Variants in ZC4H2 observed in about 807,000 individuals in gnomAD.
ZC4H2 encodes zinc finger C4H2-type containing.
For missense variants in ZC4H2, 137 were observed against 173.9 expected, an observed-to-expected ratio of 0.79 and a Z score of 1.19; for synonymous variants, 84 against 66.3, an observed-to-expected ratio of 1.27 and a Z score of -1.30.
At chrX:64,986,104 T>C (rs1039092446) in intron 1 of ZC4H2, among the ~76,000 whole-genome samples, 1 of 112,395 alleles carries the variant, frequency 8.9e-6, no homozygotes, top group Non-Finnish European at 1.9e-5. Flanking sequence ...ATCTGTTGCT[T>C]AAAAAATATT....
chrX:65,020,484 G>T (rs993432308), intron 1 of ZC4H2, among the ~76,000 whole-genome samples: 2 of 111,733 alleles, frequency 1.8e-5, no homozygotes, highest in Non-Finnish European at 3.8e-5. Context: ...ACAAGCAAAT[G>T]CTAAGACACT....
At chrX:64,965,756 T>C (rs1931567176) in intron 1 of ZC4H2, among the ~76,000 whole-genome samples, 1 of 109,357 alleles carries the variant, frequency 9.1e-6, no homozygotes, top group South Asian at 4.0e-4. Context: ...GGTAACATAG[T>C]GAGACCCTGT....
intron 1 of ZC4H2, among the ~76,000 whole-genome samples, chrX:64,956,057 A>G (rs1931143164): frequency 8.9e-6 from 1 of 112,065 alleles, no homozygotes; most frequent in Non-Finnish European, 1.9e-5. Flanking sequence ...GATAGGCTCT[A>G]TAGCAGATTT....
At chrX:65,033,320 A>G (rs183620744) in intron 1 of ZC4H2, among the ~76,000 whole-genome samples, 94 of 112,421 alleles carry the variant, frequency 8.4e-4, no homozygotes, top group Non-Finnish European at 1.3e-3. Flanking sequence ...GCCATTGCCT[A>G]CATGTCAATT....
chrX:65,033,644 C>T (rs929152729), intron 1 of ZC4H2, among the ~76,000 whole-genome samples: 2 of 111,557 alleles, frequency 1.8e-5, no homozygotes, highest in Non-Finnish European at 3.8e-5. Flanking sequence ...AAAATAACTC[C>T]AATTTTTACT....
At chrX:64,943,838 GTTAA>G (rs946190424) in intron 1 of ZC4H2, among the ~76,000 whole-genome samples, 1 of 111,361 alleles carries the variant, frequency 9.0e-6, no homozygotes, top group Non-Finnish European at 1.9e-5. Flanking sequence ...TACATTTAAG[GTTAA>G]TATTGTTATG....
At chrX:65,008,395 A>G (rs1932702811) in intron 1 of ZC4H2, among the ~76,000 whole-genome samples, 1 of 112,051 alleles carries the variant, frequency 8.9e-6, no homozygotes, top group Admixed American at 9.5e-5. Flanking sequence ...ACTATGGAGA[A>G]CAATATGCAA....
intron 1 of ZC4H2, among the ~76,000 whole-genome samples, chrX:64,947,621 G>T (rs1245053348): frequency 8.9e-6 from 1 of 112,171 alleles, no homozygotes; most frequent in African/African-American, 3.2e-5. Context: ...CTATATTTGA[G>T]TCCTTGTGGA....
intron 1 of ZC4H2, among the ~76,000 whole-genome samples, chrX:65,028,949 T>C (rs1932908439): frequency 1.8e-5 from 2 of 111,183 alleles, no homozygotes; most frequent in Non-Finnish European, 1.9e-5. Flanking sequence ...AGTCAGGATG[T>C]TGAGTGGACA....
intron 1 of ZC4H2, among the ~76,000 whole-genome samples, chrX:64,940,808 G>C (rs1227111471): frequency 8.9e-6 from 1 of 111,805 alleles, no homozygotes; most frequent in Non-Finnish European, 1.9e-5. Context: ...TAGCCTTGTA[G>C]TATAATTTGA....
At chrX:65,014,185 A>G (rs2147287625) in intron 1 of ZC4H2, among the ~76,000 whole-genome samples, 1 of 111,298 alleles carries the variant, frequency 9.0e-6, no homozygotes, top group East Asian at 2.9e-4. Flanking sequence ...TACATGACAG[A>G]AAATAATACT....
intron 1 of ZC4H2, among the ~76,000 whole-genome samples, chrX:64,930,125 G>A (rs963137763): frequency 1.4e-4 from 15 of 110,688 alleles, no homozygotes; most frequent in Non-Finnish European, 2.3e-4. Context: ...TATTATTTTT[G>A]CGGCTGTTGT....
chrX:64,935,647 G>A (rs1022954860), intron 1 of ZC4H2, among the ~76,000 whole-genome samples: 4 of 112,016 alleles, frequency 3.6e-5, no homozygotes, highest in South Asian at 3.7e-4. Context: ...AATCGTTGCC[G>A]TTCTTCAGCC....
upstream of ZC4H2, among the ~76,000 whole-genome samples, chrX:64,976,736 T>A (rs759434088): frequency 9.0e-6 from 1 of 111,287 alleles, no homozygotes; most frequent in African/African-American, 3.3e-5. Flanking sequence ...CTGAAGGCAA[T>A]TGGAGAGATG....
chrX:64,921,631 A>G (rs922465055), intron 2 of ZC4H2, among the ~76,000 whole-genome samples, 186 bp downstream of exon 2: 2 of 111,469 alleles, frequency 1.8e-5, no homozygotes, highest in Admixed American at 1.9e-4. Flanking sequence ...GTCCAGTGAT[A>G]TATAGTCAGT....
chrX:64,939,997 C>A (rs1360024833), intron 1 of ZC4H2, among the ~76,000 whole-genome samples: 1 of 111,134 alleles, frequency 9.0e-6, no homozygotes, highest in African/African-American at 3.3e-5. Context: ...GAACAGGCAA[C>A]CTAAAGAATG....
At chrX:64,967,152 G>A (rs1235736537) in intron 1 of ZC4H2, among the ~76,000 whole-genome samples, 1 of 111,184 alleles carries the variant, frequency 9.0e-6, no homozygotes, top group Non-Finnish European at 1.9e-5. Context: ...GGAGCTTAAT[G>A]GCTTAATAAT....
intron 1 of ZC4H2, chrX:64,922,378 G>T: frequency 7.7e-6 from 1 of 130,520 alleles, no homozygotes; most frequent in South Asian, 2.9e-4. Flanking sequence ...GATAAGGCAG[G>T]AGGATTGCTT....
chrX:64,950,633 G>T (rs1042286496), intron 1 of ZC4H2, among the ~76,000 whole-genome samples: 1 of 110,177 alleles, frequency 9.1e-6, no homozygotes, highest in Non-Finnish European at 1.9e-5. Flanking sequence ...GATCTTGGTT[G>T]GTTTAAAGTC....
Sources: gnomAD v4.1 joint callset for allele counts (sites outside exome capture counted in the v4.1 genomes callset) on GRCh38, gnomAD v4.1.1 for gene constraint, MANE v1.5 for transcripts, NCBI Gene and HGNC (gene_info 2026-07-23, HGNC 2026-07-21) for gene names.